Variants in PTPN22 observed in about 807,000 individuals in gnomAD.
PTPN22 encodes tyrosine-protein phosphatase non-receptor type 22.
A neutral mutation model predicts 103.3 loss-of-function variants in PTPN22; 85 were observed. That is an observed-to-expected ratio of 0.82 (90% CI 0.69 to 0.99). The LOEUF is 0.99. PTPN22 is among the 50% of genes least tolerant of loss of function. The pLI, the probability that PTPN22 is intolerant of heterozygous loss-of-function variation, is 0.00. For missense variants in PTPN22, 865 were observed against 936.9 expected (o/e 0.92, Z 1.00); for synonymous variants, 323 against 310.2 (o/e 1.04, Z -0.43).
chr1:113,843,032 G>A (rs1247288426), intron 11 of PTPN22, among the ~76,000 whole-genome samples: 1 of 131,762 alleles, frequency 7.6e-6, no homozygotes, highest in Non-Finnish European at 1.6e-5. Flanking sequence ...CCCGGGAGGC[G>A]GAGCTTGCAG....
chr1:113,819,751 C>A, intron 19 of PTPN22, 97 bp from the exon 20 acceptor site: 1 of 682,160 alleles, frequency 1.5e-6, no homozygotes, highest in Non-Finnish European at 2.2e-6. Context: ...AATTAATAAT[C>A]CCAAATAAAC....
intron 1 of PTPN22, chr1:113,864,073 T>G (rs1256435919): frequency 4.6e-5 from 15 of 323,510 alleles, no homozygotes; most frequent in Non-Finnish European, 3.6e-5. Flanking sequence ...ATCGCACCAT[T>G]GCACTCTGGT....
intron 18 of PTPN22, among the ~76,000 whole-genome samples, chr1:113,826,386 T>TGAAGGGAGAAGGG (rs1662061625): frequency 1.1e-5 from 1 of 89,366 alleles, no homozygotes; most frequent in East Asian, 2.8e-4. Context: ...GGAAGGGAAG[T>TGAAGGGAGAAGGG]GAAGGGAGAA....
chr1:113,865,261 G>A (rs1482114902), intron 1 of PTPN22, among the ~76,000 whole-genome samples: 1 of 152,110 alleles, frequency 6.6e-6, no homozygotes, highest in Non-Finnish European at 1.5e-5. Context: ...TTAAGGCTCA[G>A]AAATCCAATG....
At chr1:113,820,282 C>T (rs1000572265) in intron 19 of PTPN22, among the ~76,000 whole-genome samples, 5 of 151,832 alleles carry the variant, frequency 3.3e-5, no homozygotes, top group African/African-American at 1.2e-4. Context: ...GGTGAAACCC[C>T]GTCTCTACTA....
At chr1:113,868,771 C>T (rs575843613) in intron 1 of PTPN22, among the ~76,000 whole-genome samples, 8 of 152,032 alleles carry the variant, frequency 5.3e-5, no homozygotes, top group Admixed American at 2.6e-4. Context: ...CATGGGTCTT[C>T]GGGGGTCTGA....
chr1:113,861,535 C>T (rs953633054), intron 1 of PTPN22, among the ~76,000 whole-genome samples: 17 of 151,970 alleles, frequency 1.1e-4, no homozygotes, highest in Admixed American at 2.0e-4. Context: ...CCACCGCGCC[C>T]GGCCAATTTT....
At chr1:113,860,348 A>G (rs571945232) in intron 1 of PTPN22, among the ~76,000 whole-genome samples, 1 of 152,256 alleles carries the variant, frequency 6.6e-6, no homozygotes, top group African/African-American at 2.4e-5. Flanking sequence ...AATTATAGAT[A>G]TGTATGTATA....
intron 11 of PTPN22, among the ~76,000 whole-genome samples, chr1:113,845,473 G>C (rs1288581198): frequency 6.6e-6 from 1 of 152,124 alleles, no homozygotes; most frequent in East Asian, 1.9e-4. Flanking sequence ...AAAGTGCTGG[G>C]ATTACAGGTG....
intron 11 of PTPN22, among the ~76,000 whole-genome samples, chr1:113,842,613 G>A (rs1260319111): frequency 6.6e-6 from 1 of 151,924 alleles, no homozygotes; most frequent in African/African-American, 2.4e-5. Context: ...GGCAGAGGTT[G>A]CATTGAGCCA....
chr1:113,837,100 T>C (rs1571380014), intron 13 of PTPN22, among the ~76,000 whole-genome samples: 1 of 152,202 alleles, frequency 6.6e-6, no homozygotes, highest in South Asian at 2.1e-4. Flanking sequence ...TTTCAACTTA[T>C]TACAGCATTA....
chr1:113,851,893 G>A (rs764856902), intron 10 of PTPN22, 134 bp downstream of exon 10: 16 of 490,840 alleles, frequency 3.3e-5, no homozygotes, highest in Non-Finnish European at 5.3e-5. Flanking sequence ...TAGAGAAAAT[G>A]GCAATGGACT....
chr1:113,860,510 A>G (rs1328662188), intron 1 of PTPN22, among the ~76,000 whole-genome samples: 2 of 152,184 alleles, frequency 1.3e-5, no homozygotes, highest in East Asian at 1.9e-4. Context: ...GAGGAGAGAT[A>G]CTGAACTGAT....
intron 5 of PTPN22, among the ~76,000 whole-genome samples, chr1:113,857,375 A>G (rs1484549212): frequency 6.6e-6 from 1 of 152,232 alleles, no homozygotes; most frequent in Non-Finnish European, 1.5e-5. Flanking sequence ...CACATTAGCC[A>G]TATTTTAAAT....
At chr1:113,814,798 C>A in exon 21 of PTPN22, 1 of 885,272 alleles carries the variant, frequency 1.1e-6, no homozygotes, top group Middle Eastern at 3.3e-4. Flanking sequence ...AGCATATCTT[C>A]ATATTTGATA....
Position 113,834,913 on chromosome 1 carries a change from C to T in PTPN22, c.1891G>A (p.Ala631Thr), listed in dbSNP as rs569454620. Residue 631 changes from alanine (A) to threonine (T), a missense_variant, in exon 14 of 21, where the codon GCT becomes ACT. Ala to Thr is a moderately conservative substitution (Grantham distance 58, BLOSUM62 0). Transcript: ENST00000359785. ...ATACTTACTGAACTGTACTCACCAGCTTCCTCAACCACAATAAATGATTCA... is the reference window on the plus strand; with the variant it reads ...ATACTTACTGAACTGTACTCACCAGTTTCCTCAACCACAATAAATGATTCA... 4 of 1,565,120 alleles carry T rather than the reference C, an allele frequency of 2.6e-6. No homozygotes were observed. In the East Asian group the frequency reaches 9.5e-5, roughly 37 times the overall value.
chr1:113,860,395 A>G (rs564254877), intron 1 of PTPN22, among the ~76,000 whole-genome samples: 2 of 152,354 alleles, frequency 1.3e-5, no homozygotes, highest in South Asian at 2.1e-4. Context: ...ATTTGGTACT[A>G]TCTGCAGTTT....
exon 18 of PTPN22, chr1:113,829,707 C>T (rs1180561306): frequency 2.0e-5 from 29 of 1,476,670 alleles, no homozygotes; most frequent in Non-Finnish European, 2.6e-5. Context: ...GGCCTGCATA[C>T]CTTAAAAAAA....
At chr1:113,817,506 C>T (rs1661255753) in intron 20 of PTPN22, among the ~76,000 whole-genome samples, 3 of 152,074 alleles carry the variant, frequency 2.0e-5, no homozygotes, top group South Asian at 4.1e-4. Flanking sequence ...GGCATGATCA[C>T]GGCTCACTGC....
Sources: allele counts gnomAD v4.1 joint callset (sites outside exome capture counted in the v4.1 genomes callset), GRCh38; gene constraint gnomAD v4.1.1; transcripts MANE v1.5; gene names NCBI Gene and HGNC (gene_info 2026-07-23, HGNC 2026-07-21).